EXOC4: variants seen among roughly 807,000 people sequenced by gnomAD.
EXOC4 encodes the protein exocyst complex component 4.
EXOC4 carries 71 observed loss-of-function variants against 107.2 expected under a neutral mutation model. The observed-to-expected ratio is 0.66, with a 90% CI of 0.55 to 0.81. The LOEUF (loss-of-function observed/expected upper bound fraction) is 0.81. EXOC4 is among the 30% of genes least tolerant of loss of function. The pLI is 0.00. For synonymous variants in EXOC4, 456 were observed against 441.2 expected, an observed-to-expected ratio of 1.03 and a Z score of -0.42; for missense variants, 1,108 against 1,189.6, an observed-to-expected ratio of 0.93 and a Z score of 1.01.
At position 133,371,266 on chromosome 7, in the gene EXOC4, G is replaced by A. The variant is rs149280023; in HGVS notation, c.1008-3562G>A. 1.5e-4 allele frequency among the ~76,000 whole-genome samples: 23 copies of A among 152,210 alleles called. No individual in the cohort carries two copies. The East Asian group carries it at 3.3e-3, about 22-fold the overall frequency. The stretch of plus-strand genomic sequence containing the variant: ...ATTGAGGTATAATTCACTGCTGCAC[G>A]ATTCACCTATTGAAAGTATACAATT... On this transcript the variant is annotated intron_variant, in intron 6 of 17. Coordinates refer to ENST00000253861, the MANE Select transcript of EXOC4 (RefSeq NM_021807.4).
intron 10 of EXOC4, among the ~76,000 whole-genome samples, chr7:133,694,942 C>T (rs949992888): frequency 1.3e-5 from 2 of 152,202 alleles, no homozygotes; most frequent in African/African-American, 4.8e-5. Flanking sequence ...CCTGCCTCAG[C>T]CTCCCGAGTA....
chr7:133,951,133 G>A (rs2116791530), intron 14 of EXOC4, among the ~76,000 whole-genome samples: 1 of 152,322 alleles, frequency 6.6e-6, no homozygotes, highest in Non-Finnish European at 1.5e-5. Flanking sequence ...CAAAACAAAT[G>A]AGGAGGGGTG....
At chr7:133,369,498 T>C (rs887431598) in intron 6 of EXOC4, among the ~76,000 whole-genome samples, 1 of 152,142 alleles carries the variant, frequency 6.6e-6, no homozygotes, top group African/African-American at 2.4e-5. Context: ...TCTGCTGGTA[T>C]TCTCTTCTCT....
At chr7:133,407,428 T>C (rs745605300) in intron 7 of EXOC4, among the ~76,000 whole-genome samples, 6 of 152,214 alleles carry the variant, frequency 3.9e-5, no homozygotes, top group Non-Finnish European at 7.3e-5. Flanking sequence ...ATTTTTAACA[T>C]GTTTTGAGAA....
chr7:133,273,636 G>A (rs1793924525), intron 1 of EXOC4, among the ~76,000 whole-genome samples: 1 of 152,114 alleles, frequency 6.6e-6, no homozygotes, highest in Admixed American at 6.5e-5. Context: ...TCAAAGACTG[G>A]CCTGAATTTC....
At chr7:133,519,222 C>T (rs1384266756) in intron 9 of EXOC4, among the ~76,000 whole-genome samples, 1 of 151,824 alleles carries the variant, frequency 6.6e-6, no homozygotes, top group Non-Finnish European at 1.5e-5. Flanking sequence ...TGAGACCAGC[C>T]TAGGCAACAT....
At chr7:133,753,842 A>T (rs1334525329) in intron 10 of EXOC4, among the ~76,000 whole-genome samples, 1 of 152,158 alleles carries the variant, frequency 6.6e-6, no homozygotes, top group Admixed American at 6.5e-5. Context: ...TTTAGACTTT[A>T]TGGGTTGTGG....
intron 13 of EXOC4, among the ~76,000 whole-genome samples, chr7:133,936,611 AT>A (rs1159461243): frequency 6.6e-6 from 1 of 151,554 alleles, no homozygotes; most frequent in African/African-American, 2.4e-5. Flanking sequence ...AACTTTCTTG[AT>A]TTTTTTCCCC....
At chr7:133,586,369 A>G (rs982958730) in intron 9 of EXOC4, among the ~76,000 whole-genome samples, 1 of 152,198 alleles carries the variant, frequency 6.6e-6, no homozygotes, top group Non-Finnish European at 1.5e-5. Flanking sequence ...TAGTTTACTT[A>G]GGATAATGTC....
At position 133,938,052 on chromosome 7, in the gene EXOC4, A is replaced by G. The variant is rs540616255; in HGVS notation, c.2189A>G (p.Asn730Ser). The stretch of plus-strand genomic sequence containing the variant: ...AGTCGAACAAAGTCAGCTTTCTCCA[A>G]TCTTTCTACATCCCAGAGTAAGTAT... ...LASRTKSAFS[N>S]LSTSQMLSPA... The change falls in exon 14 of 18, where the codon AAT becomes AGT. Residue 730 changes from asparagine to serine, a missense_variant. By Grantham distance (46) the Asn-to-Ser change is conservative (BLOSUM62 1). Transcript: ENST00000253861. The G allele has an allele frequency of 2.0e-5, 33 of 1,614,126 alleles. No individual in the cohort carries two copies. The South Asian group carries it at 3.3e-4, about 16-fold the overall frequency.
intron 17 of EXOC4, among the ~76,000 whole-genome samples, chr7:134,029,396 A>G (rs1413844618): frequency 6.6e-6 from 1 of 152,252 alleles, no homozygotes; most frequent in Non-Finnish European, 1.5e-5. Flanking sequence ...CTATAGAAAC[A>G]GAAGTAGATT....
At chr7:133,694,502 A>C (rs1039902942) in intron 10 of EXOC4, among the ~76,000 whole-genome samples, 1 of 152,256 alleles carries the variant, frequency 6.6e-6, no homozygotes, top group African/African-American at 2.4e-5. Context: ...GTTGTTTATC[A>C]TACTGAAATT....
At chr7:133,531,666 T>A (rs1205632962) in intron 9 of EXOC4, among the ~76,000 whole-genome samples, 1 of 152,162 alleles carries the variant, frequency 6.6e-6, no homozygotes, top group Non-Finnish European at 1.5e-5. Flanking sequence ...ATGTGAAAAG[T>A]ATAGTAGTCC....
intron 1 of EXOC4, among the ~76,000 whole-genome samples, chr7:133,267,366 A>AT (rs1793755870): frequency 6.6e-6 from 1 of 152,150 alleles, no homozygotes; most frequent in Non-Finnish European, 1.5e-5. Flanking sequence ...CTAAAGCCAC[A>AT]TTGACCTCCT....
In EXOC4 at chr7:133,261,919, C is replaced by T. The variant is rs185070787; in HGVS notation, c.86+8732C>T. On this transcript the variant is annotated intron_variant, in intron 1 of 17. Coordinates refer to ENST00000253861, the MANE Select transcript of EXOC4 (RefSeq NM_021807.4). ...TGGCCTTGGGTAGTTACCTGTCACA[C>T]GTGTGCTGATCAATACCCAGCTGAT... 3.7e-3 allele frequency among the ~76,000 whole-genome samples: 566 copies of T among 152,270 alleles called. 5 individuals are homozygous for T. The highest frequency in any genetic ancestry group is 0.013 in the African/African-American group (526 of 41,530).
chr7:133,745,710 C>CT (rs766551871), intron 10 of EXOC4, among the ~76,000 whole-genome samples: 3,355 of 126,474 alleles, frequency 0.027, 104 homozygotes, highest in African/African-American at 0.077. Flanking sequence ...TCCTGTTACT[C>CT]TTTTTTTTTT....
At chr7:134,050,435 A>T (rs1303071504) in intron 17 of EXOC4, among the ~76,000 whole-genome samples, 1 of 152,218 alleles carries the variant, frequency 6.6e-6, no homozygotes, top group Non-Finnish European at 1.5e-5. Context: ...CTAGTAAGTA[A>T]ATACCCTAGT....
intron 7 of EXOC4, among the ~76,000 whole-genome samples, chr7:133,437,790 C>T (rs1016162702): frequency 1.2e-4 from 18 of 152,048 alleles, no homozygotes; most frequent in African/African-American, 4.1e-4. Flanking sequence ...TTTTGTCAGT[C>T]GCTATTTTTG....
At chr7:133,353,856 G>T (rs867797519) in intron 5 of EXOC4, among the ~76,000 whole-genome samples, 3 of 151,246 alleles carry the variant, frequency 2.0e-5, no homozygotes, top group Admixed American at 6.6e-5. Flanking sequence ...GTCCTATCTT[G>T]ACGTTTGCTG....
Sources: gnomAD v4.1 joint callset for allele counts (sites outside exome capture counted in the v4.1 genomes callset) on GRCh38, gnomAD v4.1.1 for gene constraint, MANE v1.5 for transcripts, NCBI Gene and HGNC (gene_info 2026-07-23, HGNC 2026-07-21) for gene names.